FAM98C: variants seen among roughly 807,000 people sequenced by gnomAD.
The protein encoded by FAM98C is protein FAM98C.
FAM98C carries 38 observed loss-of-function variants against 41.1 expected under a neutral mutation model. The ratio of observed to expected loss-of-function variants is 0.92; its 90% CI spans 0.71 to 1.21. FAM98C has a LOEUF of 1.21. Among genes scored for constraint, FAM98C ranks in the 50% most tolerant of loss-of-function variants. FAM98C has a pLI of 0.00. For synonymous variants in FAM98C, 195 were observed against 216.7 expected (o/e 0.90, Z 0.88); for missense variants, 493 against 484.7 (o/e 1.02, Z -0.16).
chr19:38,405,074 G>C lies in FAM98C; in HGVS notation c.516G>C (p.Gly172=). The C allele has an allele frequency of 6.2e-7, 1 of 1,611,776 alleles. No individual in the cohort carries two copies. The highest frequency in any genetic ancestry group is 1.1e-5 in the South Asian group (1 of 91,026). The change falls in exon 4 of 8, where the codon GGG becomes GGC. Residue 172 remains glycine (G), a synonymous_variant. Transcript: ENST00000252530. ...TGGGGCTGCCCAGACCTGCACCAGG[G>C]ACCCCCGCCAGCCAGCTGCTGCAGG... The part of the protein sequence containing the change: ...QALGLPRPAP[G]TPASQLLQEL...
chr19:38,404,781 T>G, intron 3 of FAM98C, 127 bp from the exon 4 acceptor site: 2 of 995,414 alleles, frequency 2.0e-6, no homozygotes, highest in Admixed American at 1.8e-5. Flanking sequence ...CGCCCGCCTC[T>G]GCCTCCCAAA....
chr19:38,405,144 G>T, intron 4 of FAM98C, 31 bp downstream of exon 4: 1 of 1,588,896 alleles, frequency 6.3e-7, no homozygotes, highest in Non-Finnish European at 8.6e-7. Context: ...CCCGACCTGG[G>T]CTACCCCACT....
chr19:38,405,009 GC>G lies in FAM98C; in HGVS notation c.453del (p.Gly152AlafsTer55). The G allele has an allele frequency of 6.2e-7, 1 of 1,614,178 alleles. No individual in the cohort carries two copies. On this transcript the variant is annotated frameshift_variant, in exon 4 of 8. Transcript: ENST00000252530. LOFTEE classifies it high-confidence loss of function. ...CCTTGGTGAAGGGGTAGTGGAGGGA[GC>G]CGGCATGGTCCAAGAACTGGACCTT... ...PPLGEGVVEGAGMVQELDLTL... is the reference protein window; with the variant it reads ...PPLGEGVVEGXGMVQELDLTL...
intron 7 of FAM98C, 196 bp from the exon 8 acceptor site, chr19:38,408,555 T>C: frequency 1.6e-6 from 1 of 642,560 alleles, no homozygotes; most frequent in South Asian, 2.0e-5. Flanking sequence ...TGAGACTCCG[T>C]CTCAAAAAAA....
chr19:38,405,859 A>ATT (rs1002148694), intron 6 of FAM98C: 736 of 391,284 alleles, frequency 1.9e-3, no homozygotes, highest in South Asian at 2.6e-3. Context: ...ATACCCCATC[A>ATT]TTTTTTTTTT....
intron 4 of FAM98C, 54 bp from the exon 5 acceptor site, chr19:38,405,290 C>G: frequency 6.3e-7 from 1 of 1,587,138 alleles, no homozygotes. Flanking sequence ...GCTGAGTTTA[C>G]AGAGGGGCCC....
At position 38,403,398 on chromosome 19, in the gene FAM98C, G is replaced by C. The variant is rs1158404007; in HGVS notation, c.126G>C (p.Leu42=). Residue 42 remains leucine, a synonymous_variant, in exon 2 of 8, where the codon CTG becomes CTC. Transcript: ENST00000252530. ...RGASCPDFRG[L]CVRLAAELAT... ...CCTCATGCCCAGACTTCAGGGGGCTGTGCGTGCGGCTGGCGGCGGAGCTGG... is the reference window on the plus strand; with the variant it reads ...CCTCATGCCCAGACTTCAGGGGGCTCTGCGTGCGGCTGGCGGCGGAGCTGG... 3 of 1,452,914 alleles carry C rather than the reference G, an allele frequency of 2.1e-6. No homozygotes were observed. In the East Asian group the frequency reaches 8.7e-5, roughly 42 times the overall value. The allele number at this position is 1,452,914 out of a possible 1,614,324, so 90.0% of individuals were successfully genotyped here. A position where few individuals can be genotyped will look rare whatever the true frequency, so the allele number is the denominator to read the frequency against.
At chr19:38,408,216 C>T (rs1971076269) in intron 7 of FAM98C, 1 of 152,056 alleles carries the variant, frequency 6.6e-6, no homozygotes, top group Non-Finnish European at 1.5e-5. Flanking sequence ...CCACTGAGCT[C>T]CAGCCTGGGC....
Position 38,405,418 on chromosome 19 carries a change from A to G in FAM98C, c.630A>G (p.Arg210=), listed in dbSNP as rs945961967. The G allele has an allele frequency of 1.2e-6, 2 of 1,614,128 alleles. No homozygotes were observed. The highest frequency in any genetic ancestry group is 1.7e-6 in the Non-Finnish European group (2 of 1,180,008). The change falls in exon 5 of 8, where the codon AGA becomes AGG. Residue 210 remains arginine, a synonymous_variant. Transcript: ENST00000252530. ...TCAGCTGCTCGCTAGATGCACCCAG[A>G]TGGGTAAGACTGTGTGCGACTGACT... The part of the protein sequence containing the change: ...PLLSCSLDAP[R]WEALESLSQS...
Position 38,403,198 on chromosome 19 carries a change from C to G in FAM98C, c.45C>G (p.Ala15=), listed in dbSNP as rs771487369. 2 of 1,556,470 alleles carry G rather than the reference C, an allele frequency of 1.3e-6. No homozygotes were observed. The highest frequency in any genetic ancestry group is 2.6e-5 in the East Asian group (1 of 38,726). The change falls in exon 1 of 8, where the codon GCC becomes GCG. Residue 15 remains alanine, a synonymous_variant. Coordinates refer to ENST00000252530, the MANE Select transcript of FAM98C (RefSeq NM_174905.4). The stretch of plus-strand genomic sequence containing the variant: ...AAGCGTGGGAGGGGGCCGCGGTGGC[C>G]CAGGACCTGCTGGCTCTGGGGTAAA... ...KAEAWEGAAV[A]QDLLALGYGG...
chr19:38,403,349 T>G lies in FAM98C; in HGVS notation c.77T>G (p.Val26Gly). ...QDLLALGYGG[V>G]PGAASRGASC... is the part of the protein sequence containing the mutation. The stretch of plus-strand genomic sequence containing the variant: ...CTCGGTCCCCACAGGTATGGAGGTG[T>G]CCCGGGGGCGGCGTCGCGGGGCGCC... Residue 26 changes from valine (V) to glycine (G), a missense_variant, in exon 2 of 8, where the codon GTC becomes GGC. Coordinates refer to ENST00000252530, the MANE Select transcript of FAM98C (RefSeq NM_174905.4). The G allele has an allele frequency of 6.8e-7, 1 of 1,473,916 alleles. No individual in the cohort carries two copies. The highest frequency in any genetic ancestry group is 8.9e-7 in the Non-Finnish European group (1 of 1,127,552). The allele number at this position is 1,473,916 out of a possible 1,614,324, so 91.3% of individuals were successfully genotyped here. A position where few individuals can be genotyped will look rare whatever the true frequency, so the allele number is the denominator to read the frequency against.
intron 3 of FAM98C, 150 bp downstream of exon 3, chr19:38,403,844 C>T (rs1971002062): frequency 2.4e-6 from 2 of 817,336 alleles, no homozygotes; most frequent in Middle Eastern, 8.2e-4. Flanking sequence ...CATGTTGGGG[C>T]AAGCAGAGCG....
Position 38,408,984 on chromosome 19 carries a change from C to A in FAM98C, c.*102C>A. On this transcript the variant is annotated 3_prime_UTR_variant, in exon 8 of 8. Transcript: ENST00000252530. ...AAGGCTTTCCTTGGTATTTGGCACCCAAGCCCCCCATCTCCTATTCCTGAG... is the reference window on the plus strand; with the variant it reads ...AAGGCTTTCCTTGGTATTTGGCACCAAAGCCCCCCATCTCCTATTCCTGAG... 7.6e-7 allele frequency: 1 copy of A among 1,312,306 alleles called. No homozygotes were observed. Among genetic ancestry groups the A allele is most frequent in the Non-Finnish European group, 1.0e-6 (1 of 979,498 alleles). The allele number at this position is 1,312,306 out of a possible 1,614,324, so 81.3% of individuals were successfully genotyped here.
intron 7 of FAM98C, chr19:38,407,330 A>C: frequency 2.1e-6 from 1 of 479,800 alleles, no homozygotes; most frequent in African/African-American, 1.9e-5. Flanking sequence ...CTTGGGCTTA[A>C]AATCCTTCCC....
intron 3 of FAM98C, among the ~76,000 whole-genome samples, chr19:38,404,453 A>G (rs1213680145): frequency 6.6e-6 from 1 of 151,572 alleles, no homozygotes; most frequent in East Asian, 1.9e-4. Flanking sequence ...CTCCCACCTC[A>G]GCCTCCCAAG....
intron 7 of FAM98C, 85 bp from the exon 8 acceptor site, chr19:38,408,666 C>G: frequency 6.3e-7 from 1 of 1,578,104 alleles, no homozygotes; most frequent in Non-Finnish European, 8.7e-7. Context: ...GTTTCTTCTT[C>G]AGCCTCATGC....
At position 38,406,979 on chromosome 19, in the gene FAM98C, T is replaced by G. The variant is rs1600530122; in HGVS notation, c.820T>G (p.Ser274Ala). 1.9e-6 allele frequency: 3 copies of G among 1,614,114 alleles called. No homozygotes were observed. The East Asian group carries it at 6.7e-5, about 36-fold the overall frequency. Residue 274 changes from serine (S) to alanine (A), a missense_variant, in exon 7 of 8, where the codon TCC (serine) becomes GCC (alanine). Ser to Ala is a moderately conservative substitution (Grantham distance 99). Coordinates refer to ENST00000252530, the MANE Select transcript of FAM98C (RefSeq NM_174905.4). ...GGTTCTGACCCCAGAATCGGACATC[T>G]CCATTGCACACGTTCTGGCTGCCCG... is the stretch of plus-strand genomic sequence containing the variant. Reference protein sequence around the residue: ...REVLTPESDISIAHVLAARAD... With the variant: ...REVLTPESDIAIAHVLAARAD...
rs1214799241 is a variant in FAM98C, at chr19:38,408,884, G to A, written c.*2G>A. 3.2e-6 allele frequency: 5 copies of A among 1,569,728 alleles called. No individual in the cohort carries two copies. In the South Asian group the frequency reaches 4.7e-5, roughly 15 times the overall value. On this transcript the variant is annotated 3_prime_UTR_variant, in exon 8 of 8. Transcript: ENST00000252530. Reference sequence around the variant, plus strand: ...CGCAAGAAGAAGAAGAAGAAGTAAAGGGGGACTGGTGGTCGGGGGCGGGGG... The same window carrying A: ...CGCAAGAAGAAGAAGAAGAAGTAAAAGGGGACTGGTGGTCGGGGGCGGGGG...
Position 38,405,117 on chromosome 19 carries a change from G to C in FAM98C, c.555+4G>C, listed in dbSNP as rs1971020102. 1 of 1,604,944 alleles carries C rather than the reference G, an allele frequency of 6.2e-7. No individual in the cohort carries two copies. Among genetic ancestry groups the C allele is most frequent in the African/African-American group, 1.3e-5 (1 of 74,702 alleles). On this transcript the variant is annotated splice_donor_region_variant and intron_variant, in intron 4 of 7. Coordinates refer to ENST00000252530, the MANE Select transcript of FAM98C (RefSeq NM_174905.4). The stretch of plus-strand genomic sequence containing the variant: ...GCTGCAGGAGTTGCATGCTAAGGTA[G>C]AGAGTCAGAGTCCCCTCCCGACCTG...
Sources: allele counts gnomAD v4.1 joint callset (sites outside exome capture counted in the v4.1 genomes callset), GRCh38; gene constraint gnomAD v4.1.1; transcripts MANE v1.5; gene names NCBI Gene and HGNC (gene_info 2026-07-23, HGNC 2026-07-21).